Variants in SGSH observed in about 807,000 individuals in gnomAD.
SGSH encodes the protein N-sulfoglucosamine sulfohydrolase.
A neutral mutation model predicts 51.0 loss-of-function variants in SGSH; 48 were observed. The observed-to-expected ratio is 0.94, with a 90% CI of 0.75 to 1.20. The LOEUF (loss-of-function observed/expected upper bound fraction) is 1.20. SGSH is among the 50% of genes most tolerant of loss of function. The pLI, the probability that SGSH is intolerant of heterozygous loss-of-function variation, is 0.00. For synonymous variants in SGSH, 321 were observed against 313.4 expected (o/e 1.02, Z -0.26); for missense variants, 662 against 717.8 (o/e 0.92, Z 0.89).
downstream of SGSH, chr17:80,204,601 G>C: frequency 2.6e-6 from 1 of 390,390 alleles, no homozygotes; most frequent in East Asian, 4.3e-5. Flanking sequence ...TCCAGCCTGG[G>C]CAATAAGAGC....
downstream of SGSH, among the ~76,000 whole-genome samples, chr17:80,206,293 G>A (rs8072651): frequency 0.49 from 73,014 of 150,528 alleles, 18,725 homozygotes; most frequent in Non-Finnish European, 0.58. Context: ...AGTGAGACCC[G>A]TCTCTAAAAA....
At chr17:80,211,201 A>G in intron 7 of SGSH, 190 bp from the exon 8 acceptor site, 3 of 1,448,986 alleles carry the variant, frequency 2.1e-6, no homozygotes, top group Non-Finnish European at 2.7e-6. Flanking sequence ...GAATGGTATA[A>G]CAAGAGGCCC....
downstream of SGSH, among the ~76,000 whole-genome samples, chr17:80,206,149 A>G (rs191047152): frequency 2.9e-3 from 443 of 152,332 alleles, 3 homozygotes; most frequent in Middle Eastern, 0.01. Context: ...TTAATACTGC[A>G]TAGCACACAG....
chr17:80,212,571 T>C lies in SGSH; in HGVS notation c.746-297A>G, dbSNP rs888571272. The C allele has an allele frequency of 1.0e-4, 47 of 471,244 alleles. No homozygotes were observed. Among genetic ancestry groups the C allele is most frequent in the Non-Finnish European group, 1.3e-4 (33 of 254,798 alleles). The allele number at this position is 471,244 out of a possible 1,614,324, so 29.2% of individuals were successfully genotyped here. A position where few individuals can be genotyped will look rare whatever the true frequency, so the allele number is the denominator to read the frequency against. ...CCCTGGTGCCCGCCGGCTTTTGAGT[T>C]CTCCGGAATCTCGTGTCTGTCCCAT... On this transcript the variant is annotated intron_variant, in intron 6 of 7. Transcript: ENST00000326317. The surrounding 1 kb of genome is among the most constrained non-coding windows in gnomAD (Gnocchi z 5.9).
At chr17:80,207,697 C>T (rs890009660), downstream of SGSH, 2 of 168,004 alleles carry the variant, frequency 1.2e-5, no homozygotes, top group Non-Finnish European at 2.5e-5. Flanking sequence ...TGGAAAATGA[C>T]ATTTTATAAT....
At chr17:80,202,609 CAAATG>C, downstream of SGSH, 1 of 1,426,256 alleles carries the variant, frequency 7.0e-7, no homozygotes. Flanking sequence ...TTATATATTG[CAAATG>C]AAATGTTCAT....
rs764808311 is a variant in SGSH, at chr17:80,214,771, C to T, written c.356-6G>A. 35 of 1,610,204 alleles carry T rather than the reference C, an allele frequency of 2.2e-5. No individual in the cohort carries two copies. The East Asian group carries it at 3.8e-4, about 17-fold the overall frequency. ...GTGCTTCTTCCCGATGATGCCTGGGCGGGAAGAGAGGCCTGGCCAGAGTCC... is the reference window on the plus strand; with the variant it reads ...GTGCTTCTTCCCGATGATGCCTGGGTGGGAAGAGAGGCCTGGCCAGAGTCC... On this transcript the variant is annotated splice_region_variant and splice_polypyrimidine_tract_variant and intron_variant, in intron 3 of 7. Transcript: ENST00000326317.
downstream of SGSH, chr17:80,205,762 C>T: frequency 1.7e-6 from 2 of 1,200,568 alleles, no homozygotes; most frequent in South Asian, 3.3e-5. Context: ...CCTGGGTGAC[C>T]TTGTCGCCGA....
At chr17:80,203,561 C>T (rs1396515705), downstream of SGSH, 13 of 441,268 alleles carry the variant, frequency 2.9e-5, no homozygotes, top group Middle Eastern at 1.7e-3. The surrounding 1 kb of genome is among the most constrained non-coding windows in gnomAD (Gnocchi z 4.6). Context: ...CTCAACAGCA[C>T]CCCCTGGGTC....
Position 80,213,671 on chromosome 17 carries a change from C to A in SGSH, c.745+133G>T. The A allele has an allele frequency of 1.2e-6, 1 of 828,282 alleles. No individual in the cohort carries two copies. Among genetic ancestry groups the A allele is most frequent in the Non-Finnish European group, 1.9e-6 (1 of 514,550 alleles). 51.3% of individuals were successfully genotyped at this position (828,282 alleles called of 1,614,324 possible). The stretch of plus-strand genomic sequence containing the variant: ...CAGGCCCCTCCTCTCAATGTGGGCT[C>A]TGCCAGCTGCAGCACAGGGCCTGCC... On this transcript the variant is annotated intron_variant, in intron 6 of 7. Coordinates refer to ENST00000326317, the MANE Select transcript of SGSH (RefSeq NM_000199.5). The surrounding 1 kb of genome is among the most constrained non-coding windows in gnomAD (Gnocchi z 4.6).
At chr17:80,204,979 AG>A, downstream of SGSH, 1 of 1,437,272 alleles carries the variant, frequency 7.0e-7, no homozygotes, top group Non-Finnish European at 9.3e-7. Context: ...GGGGCAGGGT[AG>A]GCTGGCTGGG....
Position 80,210,295 on chromosome 17 carries a change from T to G in SGSH, c.*157A>C. The G allele has an allele frequency of 7.0e-7, 1 of 1,435,186 alleles. No individual in the cohort carries two copies. Among genetic ancestry groups the G allele is most frequent in the Non-Finnish European group, 9.1e-7 (1 of 1,098,522 alleles). 88.9% of individuals were successfully genotyped at this position (1,435,186 alleles called of 1,614,324 possible). The stretch of plus-strand genomic sequence containing the variant: ...CATGCTCTGGTCCCCCTCCAGGCAA[T>G]GGCAAGAGTGACCCCACAGGAAGGA... On this transcript the variant is annotated 3_prime_UTR_variant, in exon 8 of 8. Transcript: ENST00000326317.
downstream of SGSH, chr17:80,208,083 C>G (rs1010372505): frequency 2.2e-6 from 3 of 1,362,320 alleles, no homozygotes; most frequent in Non-Finnish European, 3.0e-6. Flanking sequence ...CTAGCCAGGG[C>G]TCCTGGGCCC....
In SGSH at chr17:80,210,947, C is replaced by T. The variant is rs1329179099; in HGVS notation, c.1014G>A (p.Ser338=). ...IPYPSYAIFG[S]KTIHLTGRSL... is the part of the protein sequence containing the mutation. Reference sequence around the variant, plus strand: ...ACCGGCCAGTGAGGTGGATGGTCTTCGAGCCAAAGATGGCGTAGCTGGGGT... The same window carrying T: ...ACCGGCCAGTGAGGTGGATGGTCTTTGAGCCAAAGATGGCGTAGCTGGGGT... The change falls in exon 8 of 8, where the codon TCG becomes TCA. Residue 338 remains serine (S), a synonymous_variant. Coordinates refer to ENST00000326317, the MANE Select transcript of SGSH (RefSeq NM_000199.5). 7 of 1,604,714 alleles carry T rather than the reference C, an allele frequency of 4.4e-6. No individual in the cohort carries two copies. Among genetic ancestry groups the T allele is most frequent in the Non-Finnish European group, 5.9e-6 (7 of 1,179,904 alleles).
At chr17:80,202,257 G>A, downstream of SGSH, 6 of 1,614,008 alleles carry the variant, frequency 3.7e-6, no homozygotes, top group Non-Finnish European at 5.1e-6. Context: ...GGTCAACCTG[G>A]CCATGGAGGG....
rs2041702025 is a variant in SGSH, at chr17:80,212,328, C to CGGGT, written c.746-58_746-55dup. On this transcript the variant is annotated intron_variant, in intron 6 of 7. Coordinates refer to ENST00000326317, the MANE Select transcript of SGSH (RefSeq NM_000199.5). This position sits in a 1 kb window ranked among gnomAD's most constrained non-coding sequence, Gnocchi z 5.9. The stretch of plus-strand genomic sequence containing the variant: ...CAGCCGCAGACACGGAGGGAGGCAG[C>CGGGT]GGGTGGTGTGTGTAGACCCACCTGC... 62 of 1,500,844 alleles carry CGGGT rather than the reference C, an allele frequency of 4.1e-5. No homozygotes were observed. The South Asian group carries it at 7.4e-4, about 18-fold the overall frequency. 93.0% of individuals were successfully genotyped at this position (1,500,844 alleles called of 1,614,324 possible). A position where few individuals can be genotyped will look rare whatever the true frequency, so the allele number is the denominator to read the frequency against.
chr17:80,203,047 C>T (rs935806320), downstream of SGSH: 9 of 152,658 alleles, frequency 5.9e-5, no homozygotes, highest in African/African-American at 1.2e-4. This position sits in a 1 kb window ranked among gnomAD's most constrained non-coding sequence, Gnocchi z 4.6. Flanking sequence ...GCGGGTGGAT[C>T]ATCTGAGGTC....
chr17:80,214,086 A>G, intron 5 of SGSH, 86 bp downstream of exon 5: 1 of 1,502,984 alleles, frequency 6.7e-7, no homozygotes, highest in Non-Finnish European at 9.1e-7. Context: ...TTCATCATCT[A>G]GGGCCAGGGC....
intron 2 of SGSH, 43 bp from the exon 3 acceptor site, chr17:80,215,181 A>G (rs757011205): frequency 3.5e-6 from 5 of 1,440,974 alleles, no homozygotes; most frequent in Middle Eastern, 1.7e-4. Flanking sequence ...CCGGACAGCC[A>G]GAGCCCGCCT....
Sources: gnomAD v4.1 joint callset for allele counts (sites outside exome capture counted in the v4.1 genomes callset) on GRCh38, gnomAD v4.1.1 for gene constraint, Gnocchi (gnomAD v3.1) non-coding constraint, MANE v1.5 for transcripts, NCBI Gene and HGNC (gene_info 2026-07-23, HGNC 2026-07-21) for gene names.